DGKG: variants seen among roughly 807,000 people sequenced by gnomAD.
DGKG encodes DAG kinase gamma.
In DGKG, 78 loss-of-function variants were observed where a neutral mutation model predicts 105.3. The ratio of observed to expected loss-of-function variants is 0.74; its 90% CI spans 0.62 to 0.89. DGKG has a LOEUF of 0.89. DGKG is among the 40% of genes least tolerant of loss of function. DGKG has a pLI of 0.00. For missense variants in DGKG, 958 were observed against 1,020.1 expected (o/e 0.94, Z 0.83); for synonymous variants, 346 against 367.1 (o/e 0.94, Z 0.66).
chr3:186,207,088 G>A (rs147206832), intron 21 of DGKG, among the ~76,000 whole-genome samples: 130 of 152,156 alleles, frequency 8.5e-4, no homozygotes, highest in African/African-American at 2.8e-3. Flanking sequence ...AATGATTTAT[G>A]GAGCACCCAG....
chr3:186,273,847 G>A (rs777808757), intron 10 of DGKG, among the ~76,000 whole-genome samples: 6 of 152,206 alleles, frequency 3.9e-5, no homozygotes, highest in Non-Finnish European at 8.8e-5. Context: ...GCAGCTCCCC[G>A]GTGTCTGGTG....
At chr3:186,315,608 A>G (rs1178121299) in intron 2 of DGKG, among the ~76,000 whole-genome samples, 1 of 152,102 alleles carries the variant, frequency 6.6e-6, no homozygotes, top group Non-Finnish European at 1.5e-5. Flanking sequence ...GTCTATGAAT[A>G]CAGCCTAAGA....
rs1226310594 is a variant in DGKG, at chr3:186,203,254, T to C, written c.1917+8541A>G. Among the ~76,000 whole-genome samples, 2 of 152,074 alleles carry C rather than the reference T, an allele frequency of 1.3e-5. No homozygotes were observed. Among genetic ancestry groups the C allele is most frequent in the African/African-American group, 2.4e-5 (1 of 41,400 alleles). On this transcript the variant is annotated intron_variant, in intron 21 of 24. Transcript: ENST00000265022. This position sits in a 1 kb window ranked among gnomAD's most constrained non-coding sequence, Gnocchi z 4.9. ...GGGATGATGGAGCTGCATTTAAAAA[T>C]GAATAAAGATTTAATAAGCCAAAGA...
intron 1 of DGKG, among the ~76,000 whole-genome samples, chr3:186,340,448 C>T (rs1726037033): frequency 6.6e-6 from 1 of 152,076 alleles, no homozygotes; most frequent in African/African-American, 2.4e-5. Flanking sequence ...CTGGGTGAGT[C>T]ACTTTGAACT....
At chr3:186,180,485 G>GT (rs1191970768) in intron 22 of DGKG, among the ~76,000 whole-genome samples, 7 of 152,142 alleles carry the variant, frequency 4.6e-5, no homozygotes, top group Non-Finnish European at 1.0e-4. Flanking sequence ...CACCTGTCTT[G>GT]CTCTGTCTCA....
At chr3:186,154,644 C>CAAAAAAAAAAA (rs60767699) in intron 24 of DGKG, among the ~76,000 whole-genome samples, 37 of 39,052 alleles carry the variant, frequency 9.5e-4, no homozygotes, top group South Asian at 2.8e-3. Flanking sequence ...GACTCTGTCT[C>CAAAAAAAAAAA]AAAAAAAAAA....
chr3:186,228,973 A>T (rs766992072), intron 20 of DGKG, among the ~76,000 whole-genome samples: 4 of 152,190 alleles, frequency 2.6e-5, no homozygotes, highest in Non-Finnish European at 4.4e-5. Context: ...CGCAGATGTC[A>T]TCAAGTTAAA....
chr3:186,226,354 G>C lies in DGKG; in HGVS notation c.1827-14469C>G, dbSNP rs1719860683. 6.6e-6 allele frequency among the ~76,000 whole-genome samples: 1 copy of C among 152,160 alleles called. No individual in the cohort carries two copies. The highest frequency in any genetic ancestry group is 2.4e-5 in the African/African-American group (1 of 41,430). On this transcript the variant is annotated intron_variant, in intron 20 of 24. Coordinates refer to ENST00000265022, the MANE Select transcript of DGKG (RefSeq NM_001346.3). This position sits in a 1 kb window ranked among gnomAD's most constrained non-coding sequence, Gnocchi z 4.2. ...AGTTGTGGAGATGGGGCCAGAGGGG[G>C]AAATGTGTACAAGGCATGAACCAGA...
At chr3:186,188,604 C>T (rs1038854599) in intron 21 of DGKG, among the ~76,000 whole-genome samples, 5 of 152,036 alleles carry the variant, frequency 3.3e-5, no homozygotes, top group African/African-American at 9.7e-5. Context: ...TGGTCAGCTC[C>T]GGGGAATACA....
chr3:186,299,841 T>TCTTTCTTTCTCTTTCTTTCTTTC lies in DGKG; in HGVS notation c.145-1613_145-1612insGAAAGAAAGAAAGAGAAAGAAAG, dbSNP rs1560142111. On this transcript the variant is annotated intron_variant, in intron 3 of 24. Coordinates refer to ENST00000265022, the MANE Select transcript of DGKG (RefSeq NM_001346.3). ...TCTTTCTTTCTTTCTTTCTTTCTTT[T>TCTTTCTTTCTCTTTCTTTCTTTC]TTTTTTTTTTTGAGATAGAGCCTTG... 4.0e-5 allele frequency among the ~76,000 whole-genome samples: 3 copies of TCTTTCTTTCTCTTTCTTTCTTTC among 74,614 alleles called. No individual in the cohort carries two copies. In the Admixed American group the frequency reaches 4.6e-4, roughly 11 times the overall value. 48.9% of individuals were successfully genotyped at this position (74,614 alleles called of 152,430 possible).
At chr3:186,334,401 A>T (rs1725734992) in intron 1 of DGKG, among the ~76,000 whole-genome samples, 1 of 152,196 alleles carries the variant, frequency 6.6e-6, no homozygotes, top group Non-Finnish European at 1.5e-5. Context: ...CCTAGGGCTG[A>T]GTTTATGGAA....
chr3:186,187,385 A>T (rs1553799011), intron 22 of DGKG, among the ~76,000 whole-genome samples: 1 of 152,254 alleles, frequency 6.6e-6, no homozygotes, highest in Non-Finnish European at 1.5e-5. Flanking sequence ...TGAGATAAAA[A>T]GGGGAGTCAA....
At chr3:186,340,130 A>C (rs986114529) in intron 1 of DGKG, among the ~76,000 whole-genome samples, 11 of 152,230 alleles carry the variant, frequency 7.2e-5, no homozygotes, top group African/African-American at 2.7e-4. Flanking sequence ...GTTTAAAATG[A>C]GAGAAAGTAT....
At chr3:186,249,344 A>G (rs904386373) in intron 19 of DGKG, among the ~76,000 whole-genome samples, 2 of 152,160 alleles carry the variant, frequency 1.3e-5, no homozygotes, top group Non-Finnish European at 2.9e-5. Flanking sequence ...GTAATAGAAA[A>G]AGAGCACCGG....
chr3:186,276,453 G>A (rs1210151100), intron 9 of DGKG, among the ~76,000 whole-genome samples: 1 of 152,212 alleles, frequency 6.6e-6, no homozygotes, highest in Non-Finnish European at 1.5e-5. Flanking sequence ...ACTTTCTGCT[G>A]TGTGTTCCAA....
rs140236726 is a variant in DGKG at position 186,208,937 on chromosome 3, T to C, written c.1917+2858A>G. ...TCAGTTTTCAGCAATGAAGTTTTGG[T>C]TGAGACACTGAATGTACCTAAGCCT... On this transcript the variant is annotated intron_variant, in intron 21 of 24. Coordinates refer to ENST00000265022, the MANE Select transcript of DGKG (RefSeq NM_001346.3). Among the ~76,000 whole-genome samples, 428 of 152,318 alleles carry C rather than the reference T, an allele frequency of 2.8e-3. 3 individuals are homozygous for C. Among genetic ancestry groups the C allele is most frequent in the African/African-American group, 9.6e-3 (400 of 41,568 alleles).
At chr3:186,318,897 G>A (rs569329775) in intron 2 of DGKG, among the ~76,000 whole-genome samples, 2 of 152,240 alleles carry the variant, frequency 1.3e-5, no homozygotes, top group South Asian at 2.1e-4. Context: ...TCCCCTTCTC[G>A]TTTCCACGCT....
intron 1 of DGKG, among the ~76,000 whole-genome samples, chr3:186,338,672 A>G (rs1262203640): frequency 6.6e-6 from 1 of 152,184 alleles, no homozygotes; most frequent in Non-Finnish European, 1.5e-5. Flanking sequence ...TTAAAAAGGG[A>G]ATGTATTAAT....
At chr3:186,339,720 G>T (rs1416119078) in intron 1 of DGKG, among the ~76,000 whole-genome samples, 2 of 152,116 alleles carry the variant, frequency 1.3e-5, no homozygotes, top group Non-Finnish European at 1.5e-5. Context: ...GATATTGAAG[G>T]TTTCTCTGCT....
Sources: gnomAD v4.1 joint callset for allele counts (sites outside exome capture counted in the v4.1 genomes callset) on GRCh38, gnomAD v4.1.1 for gene constraint, Gnocchi (gnomAD v3.1) non-coding constraint, MANE v1.5 for transcripts, NCBI Gene and HGNC (gene_info 2026-07-23, HGNC 2026-07-21) for gene names.